Variants in PRR16 observed in about 807,000 individuals in gnomAD.
PRR16 encodes the protein proline rich 16, also known as protein Largen.
PRR16 carries 6 observed loss-of-function variants against 18.2 expected under a neutral mutation model. The ratio of observed to expected loss-of-function variants is 0.33; its 90% CI spans 0.18 to 0.65. PRR16 has a LOEUF of 0.65. Ranked by LOEUF, PRR16 falls within the 30% of genes least tolerant of loss-of-function variation. The pLI is 0.74. For missense variants in PRR16, 412 were observed against 376.6 expected (o/e 1.09, Z -0.78); for synonymous variants, 151 against 147.8 (o/e 1.02, Z -0.16).
At chr5:120,753,513 G>A in the PRR16 span, among the ~76,000 whole-genome samples, 1 of 151,790 alleles carries the variant, frequency 6.6e-6, no homozygotes, top group African/African-American at 2.4e-5. Context: ...AACTTGATGA[G>A]TAAAGAATGG....
the PRR16 span, among the ~76,000 whole-genome samples, chr5:120,794,478 AT>A: frequency 6.6e-6 from 1 of 152,120 alleles, no homozygotes; most frequent in South Asian, 2.1e-4. Flanking sequence ...TATATGTGTT[AT>A]GGTAATATGT....
chr5:120,704,191 A>T, the PRR16 span, among the ~76,000 whole-genome samples: 1 of 152,172 alleles, frequency 6.6e-6, no homozygotes, highest in African/African-American at 2.4e-5. Flanking sequence ...TTGGTGGTGG[A>T]GAAGGACAAA....
At chr5:120,631,275 A>C (rs1269049365) in intron 1 of PRR16, among the ~76,000 whole-genome samples, 1 of 152,146 alleles carries the variant, frequency 6.6e-6, no homozygotes, top group Non-Finnish European at 1.5e-5. Flanking sequence ...GTGGAGACTT[A>C]CATCGTGAAC....
chr5:120,751,035 G>C, the PRR16 span, among the ~76,000 whole-genome samples: 1 of 152,074 alleles, frequency 6.6e-6, no homozygotes. Flanking sequence ...GAGATCATGT[G>C]ATATTTGTCT....
chr5:120,736,940 C>T, the PRR16 span, among the ~76,000 whole-genome samples: 1 of 122,536 alleles, frequency 8.2e-6, no homozygotes, highest in Non-Finnish European at 1.7e-5. Flanking sequence ...AATTTGTATA[C>T]TATAACTTTG....
In PRR16 at chr5:120,621,105, A is replaced by G. The variant is rs148891563; in HGVS notation, c.160-64849A>G. Among the ~76,000 whole-genome samples the G allele has an allele frequency of 2.0e-3, 299 of 152,196 alleles. 5 individuals are homozygous for G. The highest frequency in any genetic ancestry group is 6.9e-3 in the African/African-American group (287 of 41,540). The stretch of plus-strand genomic sequence containing the variant: ...AAAATCCTGAGTCCTTCTTTTCACT[A>G]TCTTCACTACTTGCAACTTTTCAGT... On this transcript the variant is annotated intron_variant, in intron 1 of 1. Transcript: ENST00000407149.
At chr5:120,495,224 T>A (rs570074238) in intron 1 of PRR16, among the ~76,000 whole-genome samples, 1 of 152,252 alleles carries the variant, frequency 6.6e-6, no homozygotes, top group Non-Finnish European at 1.5e-5. Flanking sequence ...ATTTATTTGA[T>A]CATGTTAGAT....
chr5:120,491,192 C>T (rs1395235918), intron 1 of PRR16, among the ~76,000 whole-genome samples: 1 of 152,052 alleles, frequency 6.6e-6, no homozygotes, highest in African/African-American at 2.4e-5. Context: ...CAGACAGGGA[C>T]ATTTCTAGAT....
intron 1 of PRR16, among the ~76,000 whole-genome samples, chr5:120,667,760 C>T (rs920021889): frequency 2.5e-4 from 38 of 152,114 alleles, no homozygotes; most frequent in Middle Eastern, 3.4e-3. Flanking sequence ...TGTAGTTGAG[C>T]GGTTTTGAGA....
chr5:120,509,893 G>T (rs1428403735), intron 1 of PRR16, among the ~76,000 whole-genome samples: 1 of 151,812 alleles, frequency 6.6e-6, no homozygotes, highest in Non-Finnish European at 1.5e-5. Context: ...AGGTCTTCAA[G>T]TTTTTTTTCT....
the PRR16 span, among the ~76,000 whole-genome samples, chr5:120,725,309 T>G: frequency 6.6e-6 from 1 of 151,610 alleles, no homozygotes; most frequent in African/African-American, 2.4e-5. Flanking sequence ...GTTGTTTTTT[T>G]TTTTTTTTTT....
Position 120,686,054 on chromosome 5 carries a change from C to G in PRR16, c.260C>G (p.Thr87Arg), listed in dbSNP as rs1757107974. The G allele has an allele frequency of 6.2e-7, 1 of 1,614,098 alleles. No homozygotes were observed. The highest frequency in any genetic ancestry group is 1.3e-5 in the African/African-American group (1 of 75,008). Residue 87 changes from threonine (T) to arginine (R), a missense_variant, in exon 2 of 2, where the codon ACA becomes AGA. Transcript: ENST00000407149. ...TDTLNSSSSG[T>R]TASSLEKIKV... is the part of the protein sequence containing the mutation. Reference sequence around the variant, plus strand: ...ACGCTGAATAGTAGCTCAAGTGGCACAACAGCCTCCAGCCTAGAGAAGATC... The same window carrying G: ...ACGCTGAATAGTAGCTCAAGTGGCAGAACAGCCTCCAGCCTAGAGAAGATC...
the PRR16 span, among the ~76,000 whole-genome samples, chr5:120,751,472 T>G: frequency 6.6e-6 from 1 of 152,088 alleles, no homozygotes; most frequent in Non-Finnish European, 1.5e-5. Context: ...AAAAGCCACT[T>G]TAACTGCAGT....
chr5:120,651,078 GTGA>G (rs1755766640), intron 1 of PRR16, among the ~76,000 whole-genome samples: 1 of 152,178 alleles, frequency 6.6e-6, no homozygotes, highest in African/African-American at 2.4e-5. Context: ...CTGATGGCCA[GTGA>G]TGATGAGCAT....
At chr5:120,770,799 C>T in the PRR16 span, among the ~76,000 whole-genome samples, 4 of 151,962 alleles carry the variant, frequency 2.6e-5, no homozygotes, top group Non-Finnish European at 4.4e-5. Context: ...CTTGCCTCTG[C>T]TTTGTAAATT....
intron 1 of PRR16, among the ~76,000 whole-genome samples, chr5:120,627,038 G>A (rs1561580889): frequency 6.6e-6 from 1 of 152,068 alleles, no homozygotes; most frequent in Non-Finnish European, 1.5e-5. Context: ...TCCACTACCT[G>A]TACCCTGGGT....
At chr5:120,505,926 ATGTG>A (rs1207870200) in intron 1 of PRR16, among the ~76,000 whole-genome samples, 1 of 138,516 alleles carries the variant, frequency 7.2e-6, no homozygotes, top group African/African-American at 2.8e-5. Flanking sequence ...GATGATATAT[ATGTG>A]TGTATGTGTG....
chr5:120,672,897 ACACACAAAAT>A lies in PRR16; in HGVS notation c.160-13056_160-13047del, dbSNP rs1561608182. 6.1e-3 allele frequency among the ~76,000 whole-genome samples: 935 copies of A among 152,324 alleles called. 16 individuals are homozygous for A. Among genetic ancestry groups the A allele is most frequent in the African/African-American group, 0.021 (870 of 41,586 alleles). On this transcript the variant is annotated intron_variant, in intron 1 of 1. Transcript: ENST00000407149. ...ATAATAGAATCATTTTGAAGTGTAT[ACACACAAAAT>A]GCAACTAGTTGCATCTTGTACATCT...
chr5:120,612,653 A>C (rs1377649831), intron 1 of PRR16, among the ~76,000 whole-genome samples: 1 of 152,132 alleles, frequency 6.6e-6, no homozygotes, highest in African/African-American at 2.4e-5. Context: ...ATGTAGAACT[A>C]TAAGTCCAAT....
Sources: gnomAD v4.1 joint callset for allele counts (sites outside exome capture counted in the v4.1 genomes callset) on GRCh38, gnomAD v4.1.1 for gene constraint, MANE v1.5 for transcripts, NCBI Gene and HGNC (gene_info 2026-07-23, HGNC 2026-07-21) for gene names.